The following MYOM2 variants were observed in gnomAD, a reference collection of about 807,000 sequenced individuals.
MYOM2 encodes the protein myomesin 2.
MYOM2 carries 254 observed loss-of-function variants against 187.6 expected under a neutral mutation model. The observed-to-expected ratio is 1.35, with a 90% CI of 1.22 to 1.50. The LOEUF (loss-of-function observed/expected upper bound fraction) is 1.50. Among genes scored for constraint, MYOM2 ranks in the 40% most tolerant of loss-of-function variants. The pLI, the probability that MYOM2 is intolerant of heterozygous loss-of-function variation, is 0.00. For synonymous variants in MYOM2, 981 were observed against 753.8 expected (o/e 1.30, Z -4.94); for missense variants, 2,796 against 1,924.0 (o/e 1.45, Z -8.48).
chr8:2,046,413 G>A (rs1408522582), intron 1 of MYOM2, among the ~76,000 whole-genome samples: 2 of 152,232 alleles, frequency 1.3e-5, no homozygotes, highest in African/African-American at 2.4e-5. Flanking sequence ...GTGGTGGAAA[G>A]TGGGCTGGAC....
intron 32 of MYOM2, among the ~76,000 whole-genome samples, chr8:2,140,394 A>AGT (rs1259100408): frequency 9.2e-5 from 5 of 54,230 alleles, no homozygotes; most frequent in African/African-American, 7.4e-4. Context: ...GATCTACACA[A>AGT]GTAATTGCTG....
rs34198687 is a variant in MYOM2, at chr8:2,086,917, G to A, written c.1644+1527G>A. Among the ~76,000 whole-genome samples, 1,255 of 151,762 alleles carry A rather than the reference G, an allele frequency of 8.3e-3. 4 individuals are homozygous for A. The highest frequency in any genetic ancestry group is 0.012 in the Non-Finnish European group (844 of 67,986). ...CACAAGACGCAGAAGGGTTAGACTC[G>A]CCAGATATCCAATAGAAAGCTTTTT... On this transcript the variant is annotated intron_variant, in intron 14 of 36. Transcript: ENST00000262113.
intron 18 of MYOM2, chr8:2,098,211 A>T (rs1466452232): frequency 2.0e-5 from 3 of 152,170 alleles, no homozygotes; most frequent in Non-Finnish European, 4.4e-5. Context: ...CTATTTTTTG[A>T]GACAGTGTTT....
chr8:2,131,414 C>T (rs142166496), intron 32 of MYOM2, among the ~76,000 whole-genome samples: 141 of 151,896 alleles, frequency 9.3e-4, no homozygotes, highest in Middle Eastern at 6.8e-3. Flanking sequence ...AGTGCTCTCC[C>T]GAGAAGCTCC....
intron 25 of MYOM2, among the ~76,000 whole-genome samples, chr8:2,111,668 C>G (rs1037099873): frequency 2.6e-5 from 4 of 152,210 alleles, no homozygotes; most frequent in Non-Finnish European, 4.4e-5. Context: ...GGTCCCTCTC[C>G]TGCTCATGGT....
intron 3 of MYOM2, among the ~76,000 whole-genome samples, chr8:2,052,787 C>T (rs1263821327): frequency 2.6e-5 from 4 of 152,208 alleles, no homozygotes; most frequent in Non-Finnish European, 5.9e-5. Flanking sequence ...GAGGGGTGCA[C>T]ATTCAAGCAA....
chr8:2,057,869 C>G (rs761565562), intron 5 of MYOM2, 89 bp downstream of exon 5: 11 of 1,447,516 alleles, frequency 7.6e-6, no homozygotes, highest in Non-Finnish European at 1.0e-5. Context: ...CGCCATTGAA[C>G]CTGTGCTGGA....
intron 11 of MYOM2, chr8:2,076,540 C>T (rs963135722): frequency 3.8e-5 from 18 of 477,000 alleles, no homozygotes; most frequent in African/African-American, 3.6e-4. Context: ...ACCCAGTAAC[C>T]AATCCCACCA....
chr8:2,104,316 T>C (rs1188313888), intron 21 of MYOM2, among the ~76,000 whole-genome samples: 1 of 152,140 alleles, frequency 6.6e-6, no homozygotes, highest in East Asian at 1.9e-4. Flanking sequence ...TAAAAGTTTA[T>C]TGGGGCGTGG....
chr8:2,056,772 G>C (rs1483095441), intron 3 of MYOM2, among the ~76,000 whole-genome samples: 3 of 152,090 alleles, frequency 2.0e-5, no homozygotes, highest in African/African-American at 4.8e-5. Context: ...GACTTCAATA[G>C]CACCGTTAGC....
chr8:2,059,290 G>A (rs373317819), intron 6 of MYOM2, 45 bp downstream of exon 6: 345 of 1,559,916 alleles, frequency 2.2e-4, no homozygotes, highest in Admixed American at 1.7e-4. Flanking sequence ...CCAGTAATCA[G>A]CATTGCAGAC....
intron 13 of MYOM2, among the ~76,000 whole-genome samples, chr8:2,080,308 C>G (rs1305175904): frequency 8.5e-5 from 13 of 152,220 alleles, no homozygotes; most frequent in Non-Finnish European, 1.8e-4. Context: ...CAGCCGTGTT[C>G]TCTCTCCTAG....
chr8:2,135,353 A>G (rs1476021396), intron 32 of MYOM2, among the ~76,000 whole-genome samples: 1 of 152,102 alleles, frequency 6.6e-6, no homozygotes, highest in Non-Finnish European at 1.5e-5. Flanking sequence ...CATTTGCAAC[A>G]TAGTTATGTT....
Position 2,057,402 on chromosome 8 carries a change from C to G in MYOM2, c.318C>G (p.Ser106Arg), listed in dbSNP as rs145819260. The G allele has an allele frequency of 6.9e-5, 112 of 1,613,780 alleles. No individual in the cohort carries two copies. The highest frequency in any genetic ancestry group is 4.2e-6 in the Non-Finnish European group (5 of 1,179,952). ...YGEAKRQRFL[S>R]ELAHLEEDVH... Reference sequence around the variant, plus strand: ...AGGCCAAGCGACAGCGCTTCCTCAGCGAGCTGGCCCACTTGGAGGAGGATG... The same window carrying G: ...AGGCCAAGCGACAGCGCTTCCTCAGGGAGCTGGCCCACTTGGAGGAGGATG... Residue 106 changes from serine (S) to arginine (R), a missense_variant, in exon 4 of 37, where the codon AGC (serine) becomes AGG (arginine). By Grantham distance (110) the Ser-to-Arg change is moderately radical (BLOSUM62 -1). Coordinates refer to ENST00000262113, the MANE Select transcript of MYOM2 (RefSeq NM_003970.4).
At position 2,069,298 on chromosome 8, in the gene MYOM2, C is replaced by T. The variant is rs376408103; in HGVS notation, c.674C>T (p.Ala225Val). ...CCAAGGGCAGACTTTGACGACACTGCGACATACTCAGCAGTGGCCACCAAT... is the reference window on the plus strand; with the variant it reads ...CCAAGGGCAGACTTTGACGACACTGTGACATACTCAGCAGTGGCCACCAAT... ...EINRADFDDT[A>V]TYSAVATNAH... The change falls in exon 7 of 37, where the codon GCG becomes GTG. Residue 225 changes from alanine to valine, a missense_variant. Physicochemically the swap from Ala to Val is moderately conservative, Grantham distance 64 (BLOSUM62 0). Transcript: ENST00000262113. The T allele has an allele frequency of 7.4e-6, 12 of 1,612,820 alleles. No homozygotes were observed. The highest frequency in any genetic ancestry group is 6.7e-5 in the African/African-American group (5 of 74,912).
rs543059424 is a variant in MYOM2, at chr8:2,048,629, C to G, written c.-12-2126C>G. 6.1e-4 allele frequency among the ~76,000 whole-genome samples: 93 copies of G among 152,290 alleles called. No individual in the cohort carries two copies. In the Middle Eastern group the frequency reaches 0.014, roughly 22 times the overall value. On this transcript the variant is annotated intron_variant, in intron 1 of 36. Coordinates refer to ENST00000262113, the MANE Select transcript of MYOM2 (RefSeq NM_003970.4). ...AGAGCTAGAGGAGCTAGAAGCTACC[C>G]CAGGCCTCATCAGAATGCTGGAGTC...
chr8:2,086,513 T>TGTGTGGCCCCCCACTGTCGTGATCTCC (rs1796078518), intron 14 of MYOM2, among the ~76,000 whole-genome samples: 1 of 115,480 alleles, frequency 8.7e-6, no homozygotes, highest in African/African-American at 3.0e-5. Context: ...TCGTGATCTC[T>TGTGTGGCCCCCCACTGTCGTGATCTCC]GCGTGGCCCC....
intron 20 of MYOM2, 139 bp downstream of exon 20, chr8:2,101,193 A>C: frequency 3.6e-6 from 3 of 822,738 alleles, no homozygotes; most frequent in Non-Finnish European, 3.7e-6. Flanking sequence ...TAAAAATACA[A>C]AAAAATTAGC....
intron 16 of MYOM2, among the ~76,000 whole-genome samples, chr8:2,093,190 A>T (rs1281724055): frequency 2.0e-5 from 3 of 152,374 alleles, no homozygotes; most frequent in South Asian, 2.1e-4. Flanking sequence ...TCTGAAAAAA[A>T]TACACTGTAA....
Sources: gnomAD v4.1 joint callset for allele counts (sites outside exome capture counted in the v4.1 genomes callset) on GRCh38, gnomAD v4.1.1 for gene constraint, MANE v1.5 for transcripts, NCBI Gene and HGNC (gene_info 2026-07-23, HGNC 2026-07-21) for gene names.